ATP2B2: variants seen among roughly 807,000 people sequenced by gnomAD.
ATP2B2 encodes the protein ATPase plasma membrane Ca2+ transporting 2.
Under a neutral mutation model 120.0 loss-of-function variants are expected in ATP2B2, and 15 were observed. The observed-to-expected ratio is 0.12, with a 90% CI of 0.08 to 0.19. ATP2B2 has a LOEUF of 0.19. Among genes scored for constraint, ATP2B2 ranks in the 10% least tolerant of loss-of-function variants. The probability of loss-of-function intolerance (pLI) is 1.00; values close to 1 mark genes in which losing one functional copy is unlikely to be tolerated. For missense variants in ATP2B2, 1,045 were observed against 1,719.8 expected, an observed-to-expected ratio of 0.61 and a Z score of 6.94; for synonymous variants, 694 against 700.3, an observed-to-expected ratio of 0.99 and a Z score of 0.14.
Position 10,327,503 on chromosome 3 carries a change from G to A in ATP2B2, c.*1311C>T, listed in dbSNP as rs1208573978. On this transcript the variant is annotated 3_prime_UTR_variant, in exon 23 of 23. Coordinates refer to ENST00000360273, the MANE Select transcript of ATP2B2 (RefSeq NM_001001331.4). ...CCAATATGCCAACAGCTCAGATGCT[G>A]CCATTAATAAGGAAACAAACCTGTA... 1 of 152,498 alleles carries A rather than the reference G, an allele frequency of 6.6e-6. No homozygotes were observed. The highest frequency in any genetic ancestry group is 1.5e-5 in the Non-Finnish European group (1 of 68,036). The allele number at this position is 152,498 out of a possible 1,614,324, so 9.4% of individuals were successfully genotyped here. A position where few individuals can be genotyped will look rare whatever the true frequency, so the allele number is the denominator to read the frequency against.
intron 1 of ATP2B2, among the ~76,000 whole-genome samples, chr3:10,638,316 C>T (rs759898525): frequency 3.3e-5 from 5 of 152,036 alleles, no homozygotes; most frequent in Non-Finnish European, 5.9e-5. Context: ...GTTTAAAATA[C>T]ATGCAAAAGT....
chr3:10,563,104 G>C (rs772565605), intron 2 of ATP2B2, among the ~76,000 whole-genome samples: 19 of 152,160 alleles, frequency 1.2e-4, no homozygotes, highest in Non-Finnish European at 2.5e-4. Context: ...AAAATTGATA[G>C]AGCAGTAATG....
At position 10,391,478 on chromosome 3, in the gene ATP2B2, AT is replaced by A. The variant is rs2061847706; in HGVS notation, c.782-3077del. On this transcript the variant is annotated intron_variant, in intron 5 of 22. Transcript: ENST00000360273. Reference sequence around the variant, plus strand: ...GGATGGAAAAAGATGCAGGGGGCCAATTTCCACCCACGATAATCAGACTCCC... The same window carrying A: ...GGATGGAAAAAGATGCAGGGGGCCAATTCCACCCACGATAATCAGACTCCC... Among the ~76,000 whole-genome samples the A allele has an allele frequency of 2.6e-5, 4 of 152,278 alleles. No individual in the cohort carries two copies. In the South Asian group the frequency reaches 8.3e-4, roughly 32 times the overall value.
chr3:10,410,820 G>A lies in ATP2B2; in HGVS notation c.200-5C>T, dbSNP rs764569709. 1.9e-6 allele frequency: 3 copies of A among 1,613,348 alleles called. No individual in the cohort carries two copies. The highest frequency in any genetic ancestry group is 2.5e-6 in the Non-Finnish European group (3 of 1,180,010). ...CTGGAGCGGTGCCCGGCAAACCTGT[G>A]GACAGAGAACAGAGAGGTTGGCTGG... On this transcript the variant is annotated splice_region_variant and splice_polypyrimidine_tract_variant and intron_variant, in intron 2 of 22. Transcript: ENST00000360273.
intron 5 of ATP2B2, among the ~76,000 whole-genome samples, chr3:10,396,323 GAC>G (rs1300560225): frequency 6.6e-6 from 1 of 152,266 alleles, no homozygotes; most frequent in Non-Finnish European, 1.5e-5. Context: ...CCATTGCACT[GAC>G]ACAGACACAG....
At chr3:10,421,670 C>T (rs2062985584) in intron 2 of ATP2B2, among the ~76,000 whole-genome samples, 1 of 152,176 alleles carries the variant, frequency 6.6e-6, no homozygotes, top group African/African-American at 2.4e-5. Context: ...CACAATCATC[C>T]AGTTCCTGGG....
At chr3:10,442,358 A>G (rs912453021) in intron 2 of ATP2B2, among the ~76,000 whole-genome samples, 8 of 152,204 alleles carry the variant, frequency 5.3e-5, no homozygotes, top group African/African-American at 1.9e-4. Flanking sequence ...GAAGCCCTTC[A>G]GTCAGCTGCC....
intron 1 of ATP2B2, among the ~76,000 whole-genome samples, chr3:10,463,578 G>A (rs1455636209): frequency 3.3e-5 from 5 of 152,216 alleles, no homozygotes; most frequent in African/African-American, 1.2e-4. Context: ...AAGAGATTGC[G>A]CGGGGTCACG....
intron 2 of ATP2B2, among the ~76,000 whole-genome samples, chr3:10,566,768 C>T (rs1012814281): frequency 2.6e-5 from 4 of 152,136 alleles, no homozygotes; most frequent in African/African-American, 9.7e-5. Flanking sequence ...CATGCTGGTT[C>T]TGAGTTTTTA....
chr3:10,397,400 A>G (rs184957160), intron 5 of ATP2B2, among the ~76,000 whole-genome samples: 177 of 152,304 alleles, frequency 1.2e-3, no homozygotes, highest in Admixed American at 2.6e-3. Flanking sequence ...TTTGTTCTTC[A>G]TTTTATTTGA....
intron 3 of ATP2B2, among the ~76,000 whole-genome samples, chr3:10,512,187 ATC>A (rs2125438714): frequency 6.6e-6 from 1 of 152,242 alleles, no homozygotes; most frequent in South Asian, 2.1e-4. Context: ...GAAGCCTGTG[ATC>A]TCTCTGTCGT....
intron 1 of ATP2B2, among the ~76,000 whole-genome samples, chr3:10,706,564 C>G (rs776608401): frequency 1.3e-5 from 2 of 152,132 alleles, no homozygotes; most frequent in South Asian, 2.1e-4. Flanking sequence ...GGTGCTGCCC[C>G]CTACCAGCCC....
At chr3:10,410,411 C>G (rs543153781) in intron 3 of ATP2B2, among the ~76,000 whole-genome samples, 1 of 152,370 alleles carries the variant, frequency 6.6e-6, no homozygotes, top group African/African-American at 2.4e-5. Flanking sequence ...CCAGTCCAAC[C>G]CTTGTGCATT....
chr3:10,593,421 A>G (rs2068689935), intron 2 of ATP2B2, among the ~76,000 whole-genome samples: 1 of 152,212 alleles, frequency 6.6e-6, no homozygotes, highest in South Asian at 2.1e-4. Context: ...GGCCTAGAAC[A>G]GGCTGTCTCT....
chr3:10,655,833 C>T (rs1312891201), intron 1 of ATP2B2, among the ~76,000 whole-genome samples: 1 of 152,194 alleles, frequency 6.6e-6, no homozygotes, highest in Non-Finnish European at 1.5e-5. Context: ...TCATAATAAA[C>T]TGTGGAAACC....
chr3:10,573,116 T>C (rs2068163872), intron 2 of ATP2B2, among the ~76,000 whole-genome samples: 1 of 151,426 alleles, frequency 6.6e-6, no homozygotes, highest in Admixed American at 6.6e-5. Flanking sequence ...GGTTTTTATT[T>C]TCCTCTTCTT....
intron 12 of ATP2B2, among the ~76,000 whole-genome samples, chr3:10,371,064 T>G (rs775835678): frequency 1.3e-5 from 2 of 152,254 alleles, no homozygotes; most frequent in Non-Finnish European, 2.9e-5. Context: ...TTATTCTCCT[T>G]TCTGAATCCA....
chr3:10,665,933 T>G (rs1314258540), intron 1 of ATP2B2, among the ~76,000 whole-genome samples: 1 of 152,176 alleles, frequency 6.6e-6, no homozygotes, highest in Non-Finnish European at 1.5e-5. Flanking sequence ...AGGGATTCTT[T>G]AGGGTGGAAG....
intron 2 of ATP2B2, among the ~76,000 whole-genome samples, chr3:10,419,944 A>T (rs902825979): frequency 1.3e-5 from 2 of 152,206 alleles, no homozygotes; most frequent in Admixed American, 1.3e-4. Flanking sequence ...GATAAAACGA[A>T]TGGTGAGTGC....
Sources: gnomAD v4.1 joint callset for allele counts (sites outside exome capture counted in the v4.1 genomes callset) on GRCh38, gnomAD v4.1.1 for gene constraint, MANE v1.5 for transcripts, NCBI Gene and HGNC (gene_info 2026-07-23, HGNC 2026-07-21) for gene names.